LHFPL3: variants seen among roughly 807,000 people sequenced by gnomAD.
LHFPL3 encodes LHFPL tetraspan subfamily member 3.
A neutral mutation model predicts 19.3 loss-of-function variants in LHFPL3; 5 were observed. That is an observed-to-expected ratio of 0.26 (90% CI 0.14 to 0.54). The LOEUF (loss-of-function observed/expected upper bound fraction) is 0.54. LHFPL3 is among the 20% of genes least tolerant of loss of function. The pLI is 0.94. For missense variants in LHFPL3, 249 were observed against 307.4 expected, an observed-to-expected ratio of 0.81 and a Z score of 1.42; for synonymous variants, 133 against 126.2, an observed-to-expected ratio of 1.05 and a Z score of -0.36.
intron 1 of LHFPL3, among the ~76,000 whole-genome samples, chr7:104,334,471 C>T (rs1252296641): frequency 2.6e-5 from 4 of 152,210 alleles, no homozygotes; most frequent in Admixed American, 1.3e-4. Flanking sequence ...CACTTGAACC[C>T]GCAAGGCGGA....
chr7:104,631,819 C>T (rs111461281), intron 1 of LHFPL3, among the ~76,000 whole-genome samples: 39 of 152,282 alleles, frequency 2.6e-4, no homozygotes, highest in African/African-American at 9.4e-4. Flanking sequence ...GGGGCATAGA[C>T]AAGACCTAGC....
chr7:104,899,297 T>C (rs1275864848), intron 2 of LHFPL3, among the ~76,000 whole-genome samples: 1 of 152,058 alleles, frequency 6.6e-6, no homozygotes, highest in Non-Finnish European at 1.5e-5. Flanking sequence ...ACCCAGCTGG[T>C]AAGTTGTTGA....
At chr7:104,848,905 TTTTTTG>T (rs1562813605) in intron 2 of LHFPL3, among the ~76,000 whole-genome samples, 3 of 151,406 alleles carry the variant, frequency 2.0e-5, no homozygotes, top group African/African-American at 4.9e-5. Context: ...TTTTGGTTTT[TTTTTTG>T]TTGTTGTTGT....
At chr7:104,408,856 T>TTTTC (rs1449654364) in intron 1 of LHFPL3, among the ~76,000 whole-genome samples, 1 of 134,312 alleles carries the variant, frequency 7.4e-6, no homozygotes, top group African/African-American at 2.9e-5. Flanking sequence ...AGTGTTGTAA[T>TTTTC]TTTCTTTCTT....
chr7:104,737,768 C>G (rs76060235), intron 2 of LHFPL3, among the ~76,000 whole-genome samples: 184 of 152,216 alleles, frequency 1.2e-3, no homozygotes, highest in African/African-American at 4.1e-3. Context: ...ACATTATCAC[C>G]TTTAGCTGAG....
chr7:104,525,606 G>GT (rs1361749453), intron 1 of LHFPL3, among the ~76,000 whole-genome samples: 4,050 of 111,948 alleles, frequency 0.036, 143 homozygotes, highest in African/African-American at 0.1. Flanking sequence ...TGTTTTTTGG[G>GT]TTTTTTTTTT....
At chr7:104,484,745 A>G (rs1043355591) in intron 1 of LHFPL3, among the ~76,000 whole-genome samples, 1 of 152,182 alleles carries the variant, frequency 6.6e-6, no homozygotes, top group Non-Finnish European at 1.5e-5. Flanking sequence ...ATGCTGTGTC[A>G]TCCCATGAGG....
intron 1 of LHFPL3, among the ~76,000 whole-genome samples, chr7:104,644,476 T>C (rs996774302): frequency 6.6e-6 from 1 of 152,228 alleles, no homozygotes; most frequent in Non-Finnish European, 1.5e-5. Flanking sequence ...AAAGCAAGGA[T>C]GCATTGGCAG....
chr7:104,570,219 C>T lies in LHFPL3; in HGVS notation c.446-166456C>T, dbSNP rs73179981. The stretch of plus-strand genomic sequence containing the variant: ...TTGATTGATTGAAGCCTTCCTATTT[C>T]CATCTTTTGCCTGCTCTTGTTTGCC... On this transcript the variant is annotated intron_variant, in intron 1 of 2. Coordinates refer to ENST00000424859, the MANE Select transcript of LHFPL3 (RefSeq NM_199000.3). Among the ~76,000 whole-genome samples, 369 of 152,308 alleles carry T rather than the reference C, an allele frequency of 2.4e-3. 1 individual carries two copies. Among genetic ancestry groups the T allele is most frequent in the Non-Finnish European group, 4.4e-3 (298 of 68,020 alleles).
At chr7:104,343,566 T>G (rs1790003489) in intron 1 of LHFPL3, among the ~76,000 whole-genome samples, 1 of 139,626 alleles carries the variant, frequency 7.2e-6, no homozygotes, top group Admixed American at 7.6e-5. Context: ...AGCTTGAATT[T>G]ATACAATGAA....
intron 2 of LHFPL3, among the ~76,000 whole-genome samples, chr7:104,879,759 A>T (rs1455588573): frequency 6.6e-6 from 1 of 152,266 alleles, no homozygotes; most frequent in Non-Finnish European, 1.5e-5. Flanking sequence ...AAACCACAGC[A>T]AGTTATCCAG....
intron 1 of LHFPL3, among the ~76,000 whole-genome samples, chr7:104,656,637 T>G (rs1026527287): frequency 2.0e-5 from 3 of 152,186 alleles, no homozygotes; most frequent in Non-Finnish European, 4.4e-5. Context: ...TGAGGAGAGC[T>G]TGCCCAGAGG....
At chr7:104,618,053 G>C (rs959389446) in intron 1 of LHFPL3, among the ~76,000 whole-genome samples, 1 of 152,090 alleles carries the variant, frequency 6.6e-6, no homozygotes, top group African/African-American at 2.4e-5. Context: ...CAGTCTTCCT[G>C]GTGTCTGCGT....
chr7:104,736,886 A>C lies in LHFPL3; in HGVS notation c.657A>C (p.Ala219=). 1.2e-6 allele frequency: 2 copies of C among 1,607,808 alleles called. No individual in the cohort carries two copies. The highest frequency in any genetic ancestry group is 1.7e-6 in the Non-Finnish European group (2 of 1,176,916). ...GTAATCGACAAGACAGCTTGATGGC[A>C]GAGGAACTGAAGGCAGAAAACAAAG... ...VLGNRQDSLM[A]EELKAENKVL... is the part of the protein sequence containing the mutation. The change falls in exon 2 of 3, where the codon GCA becomes GCC. Residue 219 remains alanine (A), a synonymous_variant. Coordinates refer to ENST00000424859, the MANE Select transcript of LHFPL3 (RefSeq NM_199000.3).
At chr7:104,589,382 G>C (rs113795636) in intron 1 of LHFPL3, among the ~76,000 whole-genome samples, 1 of 152,158 alleles carries the variant, frequency 6.6e-6, no homozygotes, top group African/African-American at 2.4e-5. Context: ...TGTGGTTTTT[G>C]TCTTTGGCTC....
intron 1 of LHFPL3, among the ~76,000 whole-genome samples, chr7:104,470,411 CTGTG>C (rs1250937450): frequency 6.6e-6 from 1 of 152,170 alleles, no homozygotes; most frequent in African/African-American, 2.4e-5. Context: ...ATGTAGCATA[CTGTG>C]TGTAACAGGA....
intron 2 of LHFPL3, among the ~76,000 whole-genome samples, chr7:104,883,155 T>C (rs1261618430): frequency 6.6e-6 from 1 of 152,200 alleles, no homozygotes; most frequent in African/African-American, 2.4e-5. Context: ...AAAGAGAAAC[T>C]AAAAGAGTTT....
At chr7:104,387,794 AT>A (rs890333023) in intron 1 of LHFPL3, among the ~76,000 whole-genome samples, 1 of 152,134 alleles carries the variant, frequency 6.6e-6, no homozygotes, top group Admixed American at 6.5e-5. Flanking sequence ...ACAAAGAGAA[AT>A]TTTTTTTAAC....
chr7:104,729,752 A>T (rs1318293079), intron 1 of LHFPL3, among the ~76,000 whole-genome samples: 2 of 151,642 alleles, frequency 1.3e-5, no homozygotes, highest in East Asian at 1.9e-4. Flanking sequence ...TTTTATATAT[A>T]TTTTTTATTA....
Sources: gnomAD v4.1 joint callset for allele counts (sites outside exome capture counted in the v4.1 genomes callset) on GRCh38, gnomAD v4.1.1 for gene constraint, MANE v1.5 for transcripts, NCBI Gene and HGNC (gene_info 2026-07-23, HGNC 2026-07-21) for gene names.